Variants in ALAS2 observed in about 807,000 individuals in gnomAD.
The protein encoded by ALAS2 is 5-aminolevulinate synthase, erythroid-specific, mitochondrial.
ALAS2 carries 3 observed loss-of-function variants against 33.7 expected under a neutral mutation model. That is an observed-to-expected ratio of 0.09 (90% CI 0.04 to 0.23). ALAS2 has a LOEUF of 0.23. ALAS2 is among the 10% of genes least tolerant of loss of function. ALAS2 has a pLI of 1.00. For missense variants in ALAS2, 304 were observed against 475.1 expected (o/e 0.64, Z 3.35); for synonymous variants, 191 against 177.3 (o/e 1.08, Z -0.61).
chrX:55,022,916 A>G (rs1456976566), intron 4 of ALAS2, among the ~76,000 whole-genome samples: 1 of 111,991 alleles, frequency 8.9e-6, no homozygotes, highest in Non-Finnish European at 1.9e-5. Flanking sequence ...AATATATAGC[A>G]AGATATTATT....
chrX:55,023,710 T>C lies in ALAS2; in HGVS notation c.415+47A>G, dbSNP rs781693080. 26 of 1,056,131 alleles carry C rather than the reference T, an allele frequency of 2.5e-5. No homozygotes were observed. The East Asian group carries it at 7.9e-4, about 32-fold the overall frequency. The allele number at this position is 1,056,131 out of a possible 1,213,427, so 87.0% of individuals were successfully genotyped here. A position where few individuals can be genotyped will look rare whatever the true frequency, so the allele number is the denominator to read the frequency against. ...TACTGTGACAGAGGCCCTTTCAGAA[T>C]GCCTTCCCTATTCCGGTCCCCTTTT... On this transcript the variant is annotated intron_variant, in intron 4 of 10. Coordinates refer to ENST00000650242, the MANE Select transcript of ALAS2 (RefSeq NM_000032.5).
At chrX:55,011,289 T>TA (rs1165876677) in intron 10 of ALAS2, among the ~76,000 whole-genome samples, 1 of 112,209 alleles carries the variant, frequency 8.9e-6, no homozygotes, top group Non-Finnish European at 1.9e-5. Context: ...TATACATGTA[T>TA]AACTGTCAGT....
chrX:55,029,488 G>C (rs1416365625), intron 1 of ALAS2, among the ~76,000 whole-genome samples: 2 of 111,849 alleles, frequency 1.8e-5, no homozygotes, highest in African/African-American at 3.3e-5. Flanking sequence ...TGTTTCCAGA[G>C]ATTCCTAACT....
intron 4 of ALAS2, among the ~76,000 whole-genome samples, chrX:55,023,386 G>A (rs1422424343): frequency 9.0e-6 from 1 of 110,956 alleles, no homozygotes. Flanking sequence ...TGTCATTATG[G>A]AAAGGAATAT....
intron 10 of ALAS2, among the ~76,000 whole-genome samples, chrX:55,012,217 G>A (rs760894006): frequency 6.3e-5 from 7 of 111,811 alleles, no homozygotes; most frequent in African/African-American, 1.6e-4. Flanking sequence ...GTCATTGCTC[G>A]TGGAATTCCC....
intron 6 of ALAS2, among the ~76,000 whole-genome samples, 158 bp downstream of exon 6, chrX:55,020,162 T>C (rs1468327587): frequency 1.8e-5 from 2 of 111,541 alleles, no homozygotes; most frequent in Non-Finnish European, 3.8e-5. Context: ...AGCAGAGGGA[T>C]ATAATTATCC....
At chrX:55,009,472 C>T in intron 10 of ALAS2, 129 bp from the exon 11 acceptor site, 2 of 626,479 alleles carry the variant, frequency 3.2e-6, no homozygotes, top group Non-Finnish European at 2.4e-6. Context: ...CAGAAGTAGC[C>T]TACTGTTTGC....
At chrX:55,027,662 A>T in intron 1 of ALAS2, 14 of 910,042 alleles carry the variant, frequency 1.5e-5, no homozygotes, top group Non-Finnish European at 2.3e-5. Flanking sequence ...GTTTTGAGGG[A>T]CAGGTCAGCT....
chrX:55,024,873 A>C, intron 2 of ALAS2, 33 bp from the exon 3 acceptor site: 1 of 1,208,658 alleles, frequency 8.3e-7, no homozygotes, highest in Non-Finnish European at 1.1e-6. Flanking sequence ...TTTGGGGTGC[A>C]TTTCTAGTCA....
At chrX:55,020,275 A>G in intron 6 of ALAS2, 45 bp downstream of exon 6, 2 of 1,154,374 alleles carry the variant, frequency 1.7e-6, no homozygotes, top group Non-Finnish European at 2.4e-6. Flanking sequence ...TGGATGCTGT[A>G]TTGCAGGATA....
intron 1 of ALAS2, among the ~76,000 whole-genome samples, chrX:55,026,922 T>C (rs1602253840): frequency 9.2e-6 from 1 of 108,985 alleles, no homozygotes; most frequent in African/African-American, 3.4e-5. Flanking sequence ...TTAGGAAAGA[T>C]AAAAGGAGGA....
intron 1 of ALAS2, 145 bp from the exon 2 acceptor site, chrX:55,026,160 CAA>C: frequency 1.9e-6 from 1 of 513,401 alleles, no homozygotes; most frequent in Non-Finnish European, 3.3e-6. Flanking sequence ...ACTTCTTTCC[CAA>C]TGTTAACATG....
At chrX:55,016,607 T>C (rs936585580) in intron 7 of ALAS2, among the ~76,000 whole-genome samples, 1 of 111,566 alleles carries the variant, frequency 9.0e-6, no homozygotes. Context: ...TTTGTTTCAG[T>C]TGGAAAAGGG....
At chrX:55,019,984 A>G (rs919269185) in intron 6 of ALAS2, among the ~76,000 whole-genome samples, 3 of 111,602 alleles carry the variant, frequency 2.7e-5, no homozygotes, top group Non-Finnish European at 5.6e-5. Context: ...CAGAGGTTTT[A>G]GAAGAGGAGA....
chrX:55,013,437 T>TG (rs1935637551), intron 10 of ALAS2, 49 bp downstream of exon 10: 2 of 1,152,588 alleles, frequency 1.7e-6, no homozygotes, highest in African/African-American at 3.6e-5. Flanking sequence ...TTTCAGATCC[T>TG]GGGGCTGAGG....
At chrX:55,011,510 A>C (rs1181911613) in intron 10 of ALAS2, among the ~76,000 whole-genome samples, 2 of 111,757 alleles carry the variant, frequency 1.8e-5, no homozygotes, top group Non-Finnish European at 3.8e-5. Flanking sequence ...TCTAGTGGTC[A>C]TCATCGAGAA....
Position 55,020,324 on chromosome X carries a change from C to A in ALAS2, c.819G>T (p.Leu273=). The change falls in exon 6 of 11, where the codon CTG becomes CTT. Residue 273 remains leucine, a synonymous_variant. Coordinates refer to ENST00000650242, the MANE Select transcript of ALAS2 (RefSeq NM_000032.5). ...DSTLFTLAKI[L]PGCEIYSDAG... The stretch of plus-strand genomic sequence containing the variant: ...AAGCTCAGGCCTCAGGCTTACCTGG[C>A]AGGATCTTGGCCAAGGTGAAGAGAG... 8.3e-7 allele frequency: 1 copy of A among 1,208,695 alleles called. No homozygotes were observed. Among genetic ancestry groups the A allele is most frequent in the South Asian group, 1.8e-5 (1 of 55,937 alleles).
rs1330189655 is a variant in ALAS2 at position 55,024,728 on chromosome X, A to C, written c.294T>G (p.Ala98=). 4 of 1,211,927 alleles carry C rather than the reference A, an allele frequency of 3.3e-6. No individual in the cohort carries two copies. In the Middle Eastern group the frequency reaches 6.9e-4, roughly 209 times the overall value. ...AAPEVQEDVK[A]FKTDLPSSLV... is the part of the protein sequence containing the mutation. ...GAACTTGACTCCAACCTGTCTTGAAAGCCTTCACATCTTCCTGGACTTCTG... is the reference window on the plus strand; with the variant it reads ...GAACTTGACTCCAACCTGTCTTGAACGCCTTCACATCTTCCTGGACTTCTG... Residue 98 remains alanine, a synonymous_variant, in exon 3 of 11, where the codon GCT becomes GCG. Coordinates refer to ENST00000650242, the MANE Select transcript of ALAS2 (RefSeq NM_000032.5).
chrX:55,017,364 T>C, intron 7 of ALAS2, 122 bp downstream of exon 7: 1 of 669,924 alleles, frequency 1.5e-6, no homozygotes, highest in East Asian at 3.3e-5. Flanking sequence ...ATAATTTTGC[T>C]TGGCACATAA....
Sources: gnomAD v4.1 joint callset for allele counts (sites outside exome capture counted in the v4.1 genomes callset) on GRCh38, gnomAD v4.1.1 for gene constraint, MANE v1.5 for transcripts, NCBI Gene and HGNC (gene_info 2026-07-23, HGNC 2026-07-21) for gene names.